Variants in DSG1 observed in about 807,000 individuals in gnomAD.
DSG1 encodes the protein desmoglein 1, also known as desmoglein-1.
In DSG1, 39 loss-of-function variants were observed where a neutral mutation model predicts 97.5. The ratio of observed to expected loss-of-function variants is 0.40; its 90% confidence interval spans 0.31 to 0.52. The LOEUF (loss-of-function observed/expected upper bound fraction) is 0.52, where lower values mean the gene tolerates loss of function less well. DSG1 is among the 20% of genes least tolerant of loss of function. The pLI, the probability that DSG1 is intolerant of heterozygous loss-of-function variation, is 0.53. For missense variants in DSG1, 1,311 were observed against 1,295.4 expected, an observed-to-expected ratio of 1.01 and a Z score of -0.18; for synonymous variants, 475 against 443.4, an observed-to-expected ratio of 1.07 and a Z score of -0.90.
At chr18:31,333,469 A>T in intron 6 of DSG1, 120 bp from the exon 7 acceptor site, 1 of 1,190,572 alleles carries the variant, frequency 8.4e-7, no homozygotes, top group Non-Finnish European at 1.2e-6. Context: ...ATTCTGTGTT[A>T]ACCCTACCTC....
At chr18:31,321,850 G>C (rs1277924110) in intron 1 of DSG1, among the ~76,000 whole-genome samples, 1 of 152,182 alleles carries the variant, frequency 6.6e-6, no homozygotes, top group Admixed American at 6.5e-5. Context: ...TCAAAGACCT[G>C]GTTGCTGAGT....
In DSG1 at chr18:31,355,773, G is replaced by A. The variant is rs574474727; in HGVS notation, c.*427G>A. 1.1e-5 allele frequency: 2 copies of A among 174,840 alleles called. No homozygotes were observed. Among genetic ancestry groups the A allele is most frequent in the East Asian group, 3.0e-4 (2 of 6,644 alleles). 10.8% of individuals were successfully genotyped at this position (174,840 alleles called of 1,614,324 possible). On this transcript the variant is annotated 3_prime_UTR_variant, in exon 15 of 15. Transcript: ENST00000257192. ...AAAATGTGTGCCAGATGCCCTGTTG[G>A]TTTCACAGATAACATAAATAAAAAT... is the stretch of plus-strand genomic sequence containing the variant.
intron 14 of DSG1, among the ~76,000 whole-genome samples, chr18:31,347,269 T>C (rs1464249109): frequency 6.6e-6 from 1 of 152,182 alleles, no homozygotes; most frequent in African/African-American, 2.4e-5. Flanking sequence ...AAATATTTTG[T>C]TATATTTTAA....
chr18:31,321,241 A>G (rs1022736936), intron 1 of DSG1, among the ~76,000 whole-genome samples: 6 of 152,156 alleles, frequency 3.9e-5, no homozygotes, highest in Non-Finnish European at 8.8e-5. Flanking sequence ...AGAAAATAAT[A>G]CACATTTCAT....
Position 31,326,978 on chromosome 18 carries a change from C to A in DSG1, c.189C>A (p.Asp63Glu). The change falls in exon 3 of 15, where the codon GAC becomes GAA. Residue 63 changes from aspartate (D) to glutamate (E), a missense_variant. This residue lies in a region of DSG1 where 259 missense variants were observed against 304.1 expected (regional missense o/e 0.85). Coordinates refer to ENST00000257192, the MANE Select transcript of DSG1 (RefSeq NM_001942.4). The stretch of plus-strand genomic sequence containing the variant: ...CAGCAGCCTGTCGTGAAGGTGAAGA[C>A]AACTCAAAGAGGAACCCAATCGCCA... ...KFAAACREGE[D>E]NSKRNPIAKI... 2.5e-6 allele frequency: 4 copies of A among 1,613,836 alleles called. No individual in the cohort carries two copies. The highest frequency in any genetic ancestry group is 3.4e-6 in the Non-Finnish European group (4 of 1,179,852).
intron 1 of DSG1, among the ~76,000 whole-genome samples, chr18:31,319,109 A>G (rs939228235): frequency 1.3e-5 from 2 of 152,210 alleles, no homozygotes; most frequent in Non-Finnish European, 2.9e-5. Context: ...GAAATACTTT[A>G]TCATTGCCCC....
Position 31,346,093 on chromosome 18 carries a change from G to T in DSG1, c.1995G>T (p.Met665Ile), listed in dbSNP as rs35360042. ...CAGAGGGAGTTAAAACTTCAGGAATGCCTGAGATATGTCAAGAATACTCTG... is the reference window on the plus strand; with the variant it reads ...CAGAGGGAGTTAAAACTTCAGGAATTCCTGAGATATGTCAAGAATACTCTG... Reference protein sequence around the residue: ...ELTEGVKTSGMPEICQEYSGT... With the variant: ...ELTEGVKTSGIPEICQEYSGT... The change falls in exon 14 of 15, where the codon ATG (methionine) becomes ATT (isoleucine). Residue 665 changes from methionine to isoleucine, a missense_variant. This residue lies in a region of DSG1 where 1,038 missense variants were observed against 964.6 expected (regional missense o/e 1.08). Coordinates refer to ENST00000257192, the MANE Select transcript of DSG1 (RefSeq NM_001942.4). The T allele has an allele frequency of 2.5e-3, 4,045 of 1,613,380 alleles. 98 individuals are homozygous for T. In the African/African-American group the frequency reaches 0.05, roughly 20 times the overall value.
At chr18:31,333,810 T>C in intron 7 of DSG1, 87 bp downstream of exon 7, 1 of 1,514,420 alleles carries the variant, frequency 6.6e-7, no homozygotes, top group South Asian at 1.1e-5. Context: ...AGGCACATGT[T>C]ATGTTTATTG....
chr18:31,330,495 T>C (rs1027537469), intron 5 of DSG1, among the ~76,000 whole-genome samples: 30 of 152,034 alleles, frequency 2.0e-4, no homozygotes, highest in African/African-American at 6.8e-4. Flanking sequence ...TAAAATTTCT[T>C]GTGAATTCCA....
At chr18:31,326,003 A>C (rs2071683608) in intron 1 of DSG1, among the ~76,000 whole-genome samples, 1 of 152,088 alleles carries the variant, frequency 6.6e-6, no homozygotes, top group South Asian at 2.1e-4. Context: ...AATAACAATC[A>C]TAATTATTAA....
chr18:31,358,722 A>T lies in DSG1; in HGVS notation c.*3376A>T, dbSNP rs759885426. ...AGACCCAAAGCAAACTTTTAAAAGTATTTGCCACATTTTCCCATGCCTATT... is the reference window on the plus strand; with the variant it reads ...AGACCCAAAGCAAACTTTTAAAAGTTTTTGCCACATTTTCCCATGCCTATT... On this transcript the variant is annotated 3_prime_UTR_variant, in exon 15 of 15. Transcript: ENST00000257192. 1.2e-4 allele frequency among the ~76,000 whole-genome samples: 18 copies of T among 151,988 alleles called. No homozygotes were observed. Among genetic ancestry groups the T allele is most frequent in the Non-Finnish European group, 1.9e-4 (13 of 67,912 alleles).
rs758136443 is a variant in DSG1, at chr18:31,339,733, C to T, written c.1406-11C>T. ...TCTAAAATATTTCTTCCATTTTGAA[C>T]GTTATTACAGATAATCTTCAAAGAA... On this transcript the variant is annotated splice_polypyrimidine_tract_variant and intron_variant, in intron 10 of 14. Transcript: ENST00000257192. The T allele has an allele frequency of 5.1e-5, 82 of 1,593,162 alleles. No individual in the cohort carries two copies. The highest frequency in any genetic ancestry group is 6.6e-5 in the South Asian group (6 of 90,408).
In DSG1 at chr18:31,326,498, G is replaced by A. The variant is rs60498108; in HGVS notation, c.49-83G>A. 0.46 allele frequency: 510,026 copies of A among 1,103,596 alleles called. 124,711 individuals carry two copies. The highest frequency in any genetic ancestry group is 0.5 in the Non-Finnish European group (369,730 of 738,968). The allele number at this position is 1,103,596 out of a possible 1,614,324, so 68.4% of individuals were successfully genotyped here. ...ATGACTCACAAGCCTATGGTTTCAT[G>A]TTGTTTTTAAAGTAACTGGATAATA... On this transcript the variant is annotated intron_variant, in intron 1 of 14. Coordinates refer to ENST00000257192, the MANE Select transcript of DSG1 (RefSeq NM_001942.4).
chr18:31,338,398 A>C lies in DSG1; in HGVS notation c.1349A>C (p.Lys450Thr), dbSNP rs1362376424. 1.9e-6 allele frequency: 3 copies of C among 1,613,710 alleles called. No individual in the cohort carries two copies. Among genetic ancestry groups the C allele is most frequent in the East Asian group, 2.2e-5 (1 of 44,802 alleles). ...CTCACTTTGAAAAATAAAGTTACCA[A>C]GGAACAGTACAATATGCTCGGAGGA... is the stretch of plus-strand genomic sequence containing the variant. ...GKLTLKNKVTKEQYNMLGGKY... is the reference protein window; with the variant it reads ...GKLTLKNKVTTEQYNMLGGKY... Residue 450 changes from lysine to threonine, a missense_variant, in exon 10 of 15, where the codon AAG becomes ACG. Coordinates refer to ENST00000257192, the MANE Select transcript of DSG1 (RefSeq NM_001942.4).
rs11662033 is a variant in DSG1 at position 31,358,873 on chromosome 18, G to A, written c.*3527G>A. ...GAAATCAAATCTGTCTTCCACTTCC[G>A]GATTATTCAATTTATGTTAGGACAA... On this transcript the variant is annotated 3_prime_UTR_variant, in exon 15 of 15. Transcript: ENST00000257192. 0.8 allele frequency among the ~76,000 whole-genome samples: 122,241 copies of A among 151,928 alleles called. 49,614 individuals are homozygous for A. The highest frequency in any genetic ancestry group is 0.99 in the East Asian group (5,115 of 5,180).
rs371998253 is a variant in DSG1, at chr18:31,318,293, C to A, written c.-8C>A. ...CCTTGGTCTTGGATGTAAGAGAATC[C>A]AGCAGAGATGGACTGGAGTTTCTTC... On this transcript the variant is annotated 5_prime_UTR_variant, in exon 1 of 15. Coordinates refer to ENST00000257192, the MANE Select transcript of DSG1 (RefSeq NM_001942.4). The A allele has an allele frequency of 9.7e-5, 157 of 1,612,556 alleles. No homozygotes were observed. In the African/African-American group the frequency reaches 1.8e-3, roughly 18 times the overall value.
chr18:31,346,470 T>C lies in DSG1; in HGVS notation c.2100+272T>C, dbSNP rs548422600. 6.6e-5 allele frequency among the ~76,000 whole-genome samples: 10 copies of C among 152,338 alleles called. No homozygotes were observed. In the East Asian group the frequency reaches 1.7e-3, roughly 26 times the overall value. Reference sequence around the variant, plus strand: ...AAAGTCCTTAACATGTTAACTAAGATTGTTCACAAAATGAACCCTCCCTCT... The same window carrying C: ...AAAGTCCTTAACATGTTAACTAAGACTGTTCACAAAATGAACCCTCCCTCT... On this transcript the variant is annotated intron_variant, in intron 14 of 14. Coordinates refer to ENST00000257192, the MANE Select transcript of DSG1 (RefSeq NM_001942.4).
intron 10 of DSG1, among the ~76,000 whole-genome samples, chr18:31,338,840 G>C (rs1461749854): frequency 6.6e-6 from 1 of 152,084 alleles, no homozygotes; most frequent in African/African-American, 2.4e-5. Flanking sequence ...GAAAGGACAT[G>C]GGCTTTGATA....
At position 31,354,330 on chromosome 18, in the gene DSG1, C is replaced by A; in HGVS notation, c.2134C>A (p.Arg712Ser). ...TGCTTACGCAGATGAAGATGAAGGA[C>A]GCCCATCTAATGACTGTTTGCTCAT... The part of the protein sequence containing the change: ...AYAYADEDEG[R>S]PSNDCLLIYD... The change falls in exon 15 of 15, where the codon CGC becomes AGC. Residue 712 changes from arginine (R) to serine (S), a missense_variant. Physicochemically the swap from Arg to Ser is moderately radical, Grantham distance 110. This residue lies in a region of DSG1 where 1,038 missense variants were observed against 964.6 expected (regional missense o/e 1.08). Transcript: ENST00000257192. 1 of 1,614,140 alleles carries A rather than the reference C, an allele frequency of 6.2e-7. No individual in the cohort carries two copies. The highest frequency in any genetic ancestry group is 8.5e-7 in the Non-Finnish European group (1 of 1,180,020).
Sources: gnomAD v4.1 joint callset for allele counts (sites outside exome capture counted in the v4.1 genomes callset) on GRCh38, gnomAD v4.1.1 for gene constraint, gnomAD v4.1.1 regional missense constraint, MANE v1.5 for transcripts, NCBI Gene and HGNC (gene_info 2026-07-23, HGNC 2026-07-21) for gene names.